Variants in TDRD1 observed in about 807,000 individuals in gnomAD.
The protein encoded by TDRD1 is tudor domain containing 1.
A neutral mutation model predicts 140.6 loss-of-function variants in TDRD1; 37 were observed. The observed-to-expected ratio is 0.26, with a 90% CI of 0.20 to 0.35. The LOEUF is 0.35. Ranked by LOEUF, TDRD1 falls within the 10% of genes least tolerant of loss-of-function variation. The pLI, the probability that TDRD1 is intolerant of heterozygous loss-of-function variation, is 1.00. For missense variants in TDRD1, 1,243 were observed against 1,393.0 expected (o/e 0.89, Z 1.71); for synonymous variants, 506 against 475.7 (o/e 1.06, Z -0.83).
intron 3 of TDRD1, among the ~76,000 whole-genome samples, chr10:114,192,873 A>G (rs1003610511): frequency 1.3e-5 from 2 of 152,202 alleles, no homozygotes; most frequent in African/African-American, 4.8e-5. Flanking sequence ...AAATTGGGAA[A>G]AGTGATTCCT....
chr10:114,193,594 C>T (rs1295379643), intron 3 of TDRD1, among the ~76,000 whole-genome samples: 1 of 152,202 alleles, frequency 6.6e-6, no homozygotes, highest in African/African-American at 2.4e-5. Flanking sequence ...CGGGACCAGC[C>T]ACTGAAGTCC....
chr10:114,231,632 T>TTTGC lies in TDRD1; in HGVS notation c.*116_*119dup. On this transcript the variant is annotated 3_prime_UTR_variant, in exon 26 of 26. Coordinates refer to ENST00000251864, the Ensembl canonical transcript of TDRD1. ...TGTAATGACCTTCTATCCCTCCGTT[T>TTTGC]TTGCCTGCCTGCCATTCTCCTATTA... The TTTGC allele has an allele frequency of 5.0e-6, 4 of 794,210 alleles. No homozygotes were observed. In the Admixed American group the frequency reaches 1.4e-4, roughly 28 times the overall value. 49.2% of individuals were successfully genotyped at this position (794,210 alleles called of 1,614,324 possible).
chr10:114,213,559 A>T (rs754275963), exon 15 of TDRD1: 1 of 1,613,976 alleles, frequency 6.2e-7, no homozygotes, highest in Non-Finnish European at 8.5e-7. Flanking sequence ...ATGGTGACAG[A>T]TAAACCCAGT....
At chr10:114,215,586 A>G (rs1393623207) in intron 16 of TDRD1, among the ~76,000 whole-genome samples, 4 of 152,028 alleles carry the variant, frequency 2.6e-5, no homozygotes, top group Non-Finnish European at 2.9e-5. Flanking sequence ...AGTTTTCCAA[A>G]TATTGGTTTT....
chr10:114,227,941 A>G (rs2036534634), exon 24 of TDRD1: 2 of 1,613,882 alleles, frequency 1.2e-6, no homozygotes, highest in Non-Finnish European at 1.7e-6. Flanking sequence ...GCTGCTGCAC[A>G]GAGTTACAGA....
At chr10:114,177,558 A>G (rs2032723149), upstream of TDRD1, among the ~76,000 whole-genome samples, 1 of 152,208 alleles carries the variant, frequency 6.6e-6, no homozygotes, top group African/African-American at 2.4e-5. Context: ...ATCAAAACAA[A>G]GTCTAAGGAA....
chr10:114,195,879 C>A (rs1156366134), intron 3 of TDRD1, among the ~76,000 whole-genome samples: 1 of 151,956 alleles, frequency 6.6e-6, no homozygotes, highest in African/African-American at 2.4e-5. Flanking sequence ...GATTTTTATC[C>A]AGTGTTTTCA....
intron 16 of TDRD1, among the ~76,000 whole-genome samples, chr10:114,214,768 C>T (rs1387734769): frequency 2.7e-5 from 4 of 150,182 alleles, no homozygotes; most frequent in Non-Finnish European, 5.9e-5. Context: ...GATGGAGTCT[C>T]GCTCTGTTGC....
intron 3 of TDRD1, among the ~76,000 whole-genome samples, chr10:114,198,070 GA>G (rs990089366): frequency 6.6e-6 from 1 of 152,142 alleles, no homozygotes; most frequent in African/African-American, 2.4e-5. Flanking sequence ...CTCAGCCTCT[GA>G]TATTCAACTC....
At chr10:114,225,999 G>A (rs1390150598) in intron 21 of TDRD1, 50 bp from the exon 22 acceptor site, 2 of 1,484,144 alleles carry the variant, frequency 1.3e-6, no homozygotes. Context: ...CTTAAAGTAG[G>A]AGGAATCACT....
intron 1 of TDRD1, among the ~76,000 whole-genome samples, chr10:114,180,725 A>G (rs2032984877): frequency 6.6e-6 from 1 of 152,118 alleles, no homozygotes; most frequent in Admixed American, 6.5e-5. Context: ...TCGGCCTCCA[A>G]AGTGCTGGGA....
chr10:114,183,224 T>A (rs189598846), intron 1 of TDRD1, among the ~76,000 whole-genome samples: 11 of 152,252 alleles, frequency 7.2e-5, no homozygotes, highest in Admixed American at 2.6e-4. Flanking sequence ...TATGAAAGAC[T>A]CTCGGGTGTA....
chr10:114,188,875 T>C (rs146672470), intron 2 of TDRD1, among the ~76,000 whole-genome samples: 2 of 37,856 alleles, frequency 5.3e-5, no homozygotes, highest in African/African-American at 2.9e-4. Flanking sequence ...TAAAACAAAA[T>C]GAAAAAAAAA....
chr10:114,197,809 C>T (rs1221107696), intron 3 of TDRD1, among the ~76,000 whole-genome samples: 1 of 152,032 alleles, frequency 6.6e-6, no homozygotes, highest in African/African-American at 2.4e-5. Flanking sequence ...GGGCACGTGC[C>T]ACCATGCCTG....
At chr10:114,221,502 T>C (rs778854001) in intron 20 of TDRD1, 26 bp downstream of exon 20, 2 of 1,604,742 alleles carry the variant, frequency 1.2e-6, no homozygotes, top group African/African-American at 2.7e-5. Context: ...TTGAGACATA[T>C]TTATGCTCAT....
chr10:114,229,835 A>ATT (rs2036655600), intron 25 of TDRD1, among the ~76,000 whole-genome samples: 1 of 134,222 alleles, frequency 7.5e-6, no homozygotes, highest in South Asian at 2.3e-4. Context: ...TTTATTTTTT[A>ATT]TTTTTATTTT....
intron 18 of TDRD1, 148 bp downstream of exon 18, chr10:114,218,732 C>A: frequency 1.8e-6 from 1 of 562,268 alleles, no homozygotes; most frequent in Non-Finnish European, 2.9e-6. Context: ...ACAATATTGA[C>A]CAAAAACGTC....
At chr10:114,186,977 A>G (rs1178243870) in intron 1 of TDRD1, among the ~76,000 whole-genome samples, 1 of 152,158 alleles carries the variant, frequency 6.6e-6, no homozygotes, top group Non-Finnish European at 1.5e-5. Context: ...CCTCCCGCTC[A>G]GCCATTTTGG....
intron 18 of TDRD1, among the ~76,000 whole-genome samples, chr10:114,218,894 G>A (rs960258255): frequency 6.6e-5 from 10 of 152,228 alleles, no homozygotes; most frequent in Middle Eastern, 3.4e-3. Context: ...TTATCCCAGA[G>A]AAATCCAGGA....
Sources: gnomAD v4.1 joint callset for allele counts (sites outside exome capture counted in the v4.1 genomes callset) on GRCh38, gnomAD v4.1.1 for gene constraint, MANE v1.5 for transcripts, NCBI Gene and HGNC (gene_info 2026-07-23, HGNC 2026-07-21) for gene names.